The following TNFAIP8 variants were observed in gnomAD, a reference collection of about 807,000 sequenced individuals.
TNFAIP8 encodes TNF alpha induced protein 8.
Under a neutral mutation model 13.3 loss-of-function variants are expected in TNFAIP8, and 7 were observed. That is an observed-to-expected ratio of 0.52 (90% CI 0.30 to 0.99). TNFAIP8 has a LOEUF of 0.99. Among genes scored for constraint, TNFAIP8 ranks in the 50% least tolerant of loss-of-function variants. TNFAIP8 has a pLI of 0.07. For synonymous variants in TNFAIP8, 94 were observed against 87.6 expected, an observed-to-expected ratio of 1.07 and a Z score of -0.41; for missense variants, 258 against 236.9, an observed-to-expected ratio of 1.09 and a Z score of -0.58.
intron 1 of TNFAIP8, among the ~76,000 whole-genome samples, chr5:119,296,414 A>G (rs1270518720): frequency 2.6e-5 from 4 of 151,994 alleles, no homozygotes; most frequent in South Asian, 2.1e-4. Context: ...TTCTGTTTAT[A>G]TGCTGGATTA....
intron 1 of TNFAIP8, among the ~76,000 whole-genome samples, chr5:119,321,822 A>AC (rs1323964477): frequency 6.6e-6 from 1 of 151,396 alleles, no homozygotes; most frequent in Admixed American, 6.6e-5. Context: ...CCTTGCTCCA[A>AC]CCCCCCACGG....
intron 1 of TNFAIP8, among the ~76,000 whole-genome samples, chr5:119,389,440 C>G (rs1182874427): frequency 6.6e-6 from 1 of 152,158 alleles, no homozygotes; most frequent in Non-Finnish European, 1.5e-5. Context: ...AGGAGAAAAA[C>G]TTGATCCAGG....
chr5:119,373,841 G>A (rs770204069), intron 1 of TNFAIP8, among the ~76,000 whole-genome samples: 9 of 152,266 alleles, frequency 5.9e-5, no homozygotes, highest in African/African-American at 1.2e-4. Context: ...GAATGCCTGC[G>A]TTTTGGGCTA....
chr5:119,323,799 A>G (rs972758625), intron 1 of TNFAIP8, among the ~76,000 whole-genome samples: 1 of 152,138 alleles, frequency 6.6e-6, no homozygotes, highest in African/African-American at 2.4e-5. Flanking sequence ...AATTGGCTGA[A>G]TGGGCTTCTG....
intron 1 of TNFAIP8, among the ~76,000 whole-genome samples, chr5:119,288,755 G>A (rs753106698): frequency 7.2e-5 from 11 of 152,164 alleles, no homozygotes; most frequent in Non-Finnish European, 1.2e-4. Context: ...GGTGCCTATA[G>A]GCAATGAGGT....
At chr5:119,330,425 A>G (rs1414632300) in intron 1 of TNFAIP8, among the ~76,000 whole-genome samples, 1 of 152,202 alleles carries the variant, frequency 6.6e-6, no homozygotes, top group East Asian at 1.9e-4. Context: ...GTGGGTAGCT[A>G]TAAAGGAAAT....
intron 1 of TNFAIP8, among the ~76,000 whole-genome samples, chr5:119,308,219 T>G (rs1749623202): frequency 6.6e-6 from 1 of 152,134 alleles, no homozygotes; most frequent in Non-Finnish European, 1.5e-5. Context: ...AATGACAGCA[T>G]TCCCTCTTTC....
intron 1 of TNFAIP8, among the ~76,000 whole-genome samples, chr5:119,269,201 C>T (rs1160063166): frequency 6.6e-6 from 1 of 152,320 alleles, no homozygotes; most frequent in Non-Finnish European, 1.5e-5. Context: ...TCTTAACCAC[C>T]TCCTGCCGTG....
chr5:119,283,148 A>G (rs1393997555), intron 1 of TNFAIP8, among the ~76,000 whole-genome samples: 1 of 152,190 alleles, frequency 6.6e-6, no homozygotes, highest in Non-Finnish European at 1.5e-5. Context: ...TTTATTCATG[A>G]CCTGCACTAG....
At chr5:119,271,268 G>A (rs1478834351) in intron 1 of TNFAIP8, among the ~76,000 whole-genome samples, 1 of 152,240 alleles carries the variant, frequency 6.6e-6, no homozygotes, top group Non-Finnish European at 1.5e-5. Context: ...AGTTGGGGGA[G>A]GAGTGGATTT....
chr5:119,355,965 T>C, upstream of TNFAIP8: 2 of 1,458,188 alleles, frequency 1.4e-6, no homozygotes, highest in Non-Finnish European at 1.8e-6. Context: ...CCCGGGGAGG[T>C]TTTGATTTTA....
At chr5:119,377,362 C>A (rs1166239716) in intron 1 of TNFAIP8, among the ~76,000 whole-genome samples, 2 of 151,382 alleles carry the variant, frequency 1.3e-5, no homozygotes, top group Non-Finnish European at 2.9e-5. Flanking sequence ...CCAGCCTGGG[C>A]AACAGAGTGA....
intron 1 of TNFAIP8, among the ~76,000 whole-genome samples, chr5:119,283,651 C>T (rs1475646826): frequency 2.0e-5 from 3 of 152,130 alleles, no homozygotes; most frequent in African/African-American, 4.8e-5. Flanking sequence ...TGCTCTTACT[C>T]CCTCCTTTTC....
chr5:119,382,597 AATT>A (rs1165360688), intron 1 of TNFAIP8, among the ~76,000 whole-genome samples: 1 of 152,162 alleles, frequency 6.6e-6, no homozygotes, highest in Non-Finnish European at 1.5e-5. Context: ...CAGTTGACCC[AATT>A]ATTTTATATT....
Position 119,341,105 on chromosome 5 carries a change from TA to T in TNFAIP8, c.2-51708del, listed in dbSNP as rs1282808777. On this transcript the variant is annotated intron_variant, in intron 1 of 1. Coordinates refer to the TNFAIP8 transcript ENST00000274456. ...TCTCCTGCTTTTTTTTTTTTTTTTTTAAATCTGATTACAATGGTGTTGCACA... is the reference window on the plus strand; with the variant it reads ...TCTCCTGCTTTTTTTTTTTTTTTTTTAATCTGATTACAATGGTGTTGCACA... Among the ~76,000 whole-genome samples the T allele has an allele frequency of 4.3e-5, 6 of 138,466 alleles. No individual in the cohort carries two copies. In the South Asian group the frequency reaches 1.1e-3, roughly 26 times the overall value. 90.8% of individuals were successfully genotyped at this position (138,466 alleles called of 152,430 possible). A position where few individuals can be genotyped will look rare whatever the true frequency, so the allele number is the denominator to read the frequency against.
At chr5:119,295,582 C>G (rs1038628498) in intron 1 of TNFAIP8, among the ~76,000 whole-genome samples, 1 of 152,058 alleles carries the variant, frequency 6.6e-6, no homozygotes, top group Admixed American at 6.5e-5. Flanking sequence ...CAGCTTTGTT[C>G]TTTTGGCTTA....
At chr5:119,286,406 G>C (rs987313526) in intron 1 of TNFAIP8, among the ~76,000 whole-genome samples, 25 of 152,136 alleles carry the variant, frequency 1.6e-4, no homozygotes, top group African/African-American at 5.8e-4. Flanking sequence ...TGGATCACGA[G>C]GTCAGGAGAT....
At chr5:119,278,155 A>G (rs1410485885) in intron 1 of TNFAIP8, among the ~76,000 whole-genome samples, 2 of 152,212 alleles carry the variant, frequency 1.3e-5, no homozygotes, top group African/African-American at 4.8e-5. Flanking sequence ...ATTGTCTTAT[A>G]TGAAGGGCAG....
Position 119,295,672 on chromosome 5 carries a change from C to T in TNFAIP8, c.1+26765C>T, listed in dbSNP as rs570951549. On this transcript the variant is annotated intron_variant, in intron 1 of 1. Coordinates refer to the TNFAIP8 transcript ENST00000274456. ...TTTTTTCCAATTCTGTGAAGAAAGTCATTGCTAGCTTGATGGGGATGGCAT... is the reference window on the plus strand; with the variant it reads ...TTTTTTCCAATTCTGTGAAGAAAGTTATTGCTAGCTTGATGGGGATGGCAT... Among the ~76,000 whole-genome samples the T allele has an allele frequency of 7.2e-5, 11 of 152,274 alleles. 2 individuals are homozygous for T. In the South Asian group the frequency reaches 2.1e-3, roughly 29 times the overall value.
Sources: allele counts gnomAD v4.1 joint callset (sites outside exome capture counted in the v4.1 genomes callset), GRCh38; gene constraint gnomAD v4.1.1; transcripts MANE v1.5; gene names NCBI Gene and HGNC (gene_info 2026-07-23, HGNC 2026-07-21).